Variants in NHSL1 observed in about 807,000 individuals in gnomAD.
NHSL1 encodes NHS like 1.
In NHSL1, 48 loss-of-function variants were observed where a neutral mutation model predicts 95.0. That is an observed-to-expected ratio of 0.51 (90% confidence interval 0.40 to 0.64). The LOEUF is 0.64. Ranked by LOEUF, NHSL1 falls within the 30% of genes least tolerant of loss-of-function variation. The probability of loss-of-function intolerance (pLI) is 0.00; values close to 1 mark genes in which losing one functional copy is unlikely to be tolerated. For missense variants in NHSL1, 1,971 were observed against 2,077.7 expected, an observed-to-expected ratio of 0.95 and a Z score of 1.00; for synonymous variants, 783 against 833.9, an observed-to-expected ratio of 0.94 and a Z score of 1.05.
At chr6:138,462,118 C>T (rs1222762903) in intron 3 of NHSL1, among the ~76,000 whole-genome samples, 1 of 152,124 alleles carries the variant, frequency 6.6e-6, no homozygotes, top group Non-Finnish European at 1.5e-5. Flanking sequence ...CAGCAAATAC[C>T]AAGGGAAGAG....
At chr6:138,466,756 A>T (rs115763233) in intron 3 of NHSL1, among the ~76,000 whole-genome samples, 2,062 of 148,402 alleles carry the variant, frequency 0.014, 18 homozygotes, top group Middle Eastern at 0.041. Flanking sequence ...AAACAAACCC[A>T]CTGCCCTGAG....
intron 1 of NHSL1, among the ~76,000 whole-genome samples, chr6:138,511,204 TA>T (rs1781207190): frequency 6.6e-6 from 1 of 152,192 alleles, no homozygotes; most frequent in Non-Finnish European, 1.5e-5. Context: ...TCTTAGCAAA[TA>T]AAATCATATT....
intron 1 of NHSL1, among the ~76,000 whole-genome samples, chr6:138,509,748 C>T (rs910313536): frequency 1.3e-5 from 2 of 152,148 alleles, no homozygotes; most frequent in Non-Finnish European, 2.9e-5. Flanking sequence ...AGCCTCAATT[C>T]GGACAACATT....
At chr6:138,444,838 G>A (rs1247310024) in intron 4 of NHSL1, among the ~76,000 whole-genome samples, 1 of 152,134 alleles carries the variant, frequency 6.6e-6, no homozygotes, top group Non-Finnish European at 1.5e-5. Context: ...TAAGAAATAT[G>A]TGTGTATATG....
intron 2 of NHSL1, among the ~76,000 whole-genome samples, chr6:138,481,265 CA>C (rs1779401751): frequency 6.6e-6 from 1 of 151,966 alleles, no homozygotes; most frequent in African/African-American, 2.4e-5. Context: ...AATGAAAAAC[CA>C]AACCAAAGTG....
chr6:138,670,957 C>G, intron 1 of NHSL1, among the ~76,000 whole-genome samples: 1 of 151,628 alleles, frequency 6.6e-6, no homozygotes, highest in Non-Finnish European at 1.5e-5. Flanking sequence ...GAGTTCAAGA[C>G]GAGCAACACA....
chr6:138,449,052 CA>C (rs545496586), intron 3 of NHSL1, among the ~76,000 whole-genome samples: 12,053 of 88,472 alleles, frequency 0.14, 1,428 homozygotes, highest in African/African-American at 0.38. Flanking sequence ...AATTCTGTCT[CA>C]AAAAAAAAAA....
intron 1 of NHSL1, among the ~76,000 whole-genome samples, chr6:138,518,349 T>C (rs1781537726): frequency 6.6e-6 from 1 of 151,856 alleles, no homozygotes; most frequent in South Asian, 2.1e-4. Flanking sequence ...TTTGGTTTCT[T>C]TCCATGGACT....
intron 5 of NHSL1, among the ~76,000 whole-genome samples, chr6:138,439,734 C>T (rs1482254969): frequency 1.3e-5 from 2 of 152,166 alleles, no homozygotes; most frequent in African/African-American, 4.8e-5. Context: ...ATGTCATCGA[C>T]CGTAATGATA....
upstream of NHSL1, among the ~76,000 whole-genome samples, chr6:138,574,687 A>G (rs1783938251): frequency 2.5e-5 from 3 of 118,196 alleles, no homozygotes; most frequent in Non-Finnish European, 5.3e-5. Flanking sequence ...AAAAAAAAAA[A>G]GAAAAGAAAA....
At chr6:138,680,882 G>C (rs1785503636) in intron 1 of NHSL1, among the ~76,000 whole-genome samples, 1 of 152,184 alleles carries the variant, frequency 6.6e-6, no homozygotes, top group Non-Finnish European at 1.5e-5. Flanking sequence ...CTCCCAAAGT[G>C]TTGGGATGGC....
intron 1 of NHSL1, among the ~76,000 whole-genome samples, chr6:138,640,052 C>A (rs1784941058): frequency 6.6e-6 from 1 of 152,122 alleles, no homozygotes; most frequent in East Asian, 1.9e-4. Context: ...TTTTGTGTTA[C>A]ATGCGAATTG....
chr6:138,496,686 G>T (rs1562327455), intron 1 of NHSL1, among the ~76,000 whole-genome samples: 1 of 152,080 alleles, frequency 6.6e-6, no homozygotes, highest in East Asian at 1.9e-4. Flanking sequence ...AATTGATAGA[G>T]ACCTCCAATT....
chr6:138,429,635 A>G (rs1775493292), intron 7 of NHSL1, 76 bp downstream of exon 7: 5 of 1,334,642 alleles, frequency 3.7e-6, no homozygotes, highest in African/African-American at 1.5e-5. Flanking sequence ...CTCAAGGAAG[A>G]AAAGTAAATT....
intron 1 of NHSL1, among the ~76,000 whole-genome samples, chr6:138,649,863 A>G (rs1405379209): frequency 6.6e-6 from 1 of 152,154 alleles, no homozygotes; most frequent in African/African-American, 2.4e-5. Flanking sequence ...AGGGGTAGAT[A>G]GGGTGGGTTC....
chr6:138,525,831 T>G (rs1781881216), intron 1 of NHSL1, among the ~76,000 whole-genome samples: 1 of 152,094 alleles, frequency 6.6e-6, no homozygotes, highest in South Asian at 2.1e-4. Flanking sequence ...GCGCAGTGGC[T>G]CACACCTGTA....
upstream of NHSL1, among the ~76,000 whole-genome samples, chr6:138,549,534 T>C (rs1283755369): frequency 6.6e-6 from 1 of 152,150 alleles, no homozygotes; most frequent in Non-Finnish European, 1.5e-5. Context: ...CCATACTGCC[T>C]CTGGTGGGAG....
chr6:138,473,270 C>A (rs967933100), intron 3 of NHSL1, 36 bp downstream of exon 3: 11 of 1,480,660 alleles, frequency 7.4e-6, no homozygotes, highest in South Asian at 2.8e-5. Context: ...GTTCTGGGAC[C>A]CAACCCAGGA....
At chr6:138,441,874 C>T in intron 5 of NHSL1, 109 bp downstream of exon 5, 1 of 1,092,630 alleles carries the variant, frequency 9.2e-7, no homozygotes, top group Non-Finnish European at 1.2e-6. Flanking sequence ...CGTTGGGGCA[C>T]CAAACGGCTA....
Sources: allele counts gnomAD v4.1 joint callset (sites outside exome capture counted in the v4.1 genomes callset), GRCh38; gene constraint gnomAD v4.1.1; transcripts MANE v1.5; gene names NCBI Gene and HGNC (gene_info 2026-07-23, HGNC 2026-07-21).